SLCO2A1: variants seen among roughly 807,000 people sequenced by gnomAD.
The protein encoded by SLCO2A1 is matrin F/G 1.
A neutral mutation model predicts 71.7 loss-of-function variants in SLCO2A1; 60 were observed. That is an observed-to-expected ratio of 0.84 (90% CI 0.68 to 1.04). The LOEUF (loss-of-function observed/expected upper bound fraction) is 1.04. SLCO2A1 is among the 50% of genes least tolerant of loss of function. SLCO2A1 has a pLI of 0.00. For synonymous variants in SLCO2A1, 308 were observed against 326.7 expected (o/e 0.94, Z 0.62); for missense variants, 745 against 813.4 (o/e 0.92, Z 1.02).
At chr3:134,013,962 G>C (rs773671049) in intron 1 of SLCO2A1, among the ~76,000 whole-genome samples, 5 of 152,070 alleles carry the variant, frequency 3.3e-5, no homozygotes, top group South Asian at 4.2e-4. Flanking sequence ...AGGGCCTCTT[G>C]GTGGGGCAGT....
At chr3:133,952,685 CT>C (rs1287778392) in intron 5 of SLCO2A1, among the ~76,000 whole-genome samples, 1 of 152,224 alleles carries the variant, frequency 6.6e-6, no homozygotes, top group Non-Finnish European at 1.5e-5. Context: ...ATCCATACCA[CT>C]TGTTGAAGAA....
chr3:133,949,033 A>G (rs2108042530), intron 6 of SLCO2A1, 62 bp from the exon 7 acceptor site: 1 of 1,425,934 alleles, frequency 7.0e-7, no homozygotes, highest in South Asian at 1.2e-5. Context: ...CCCTTCCCTG[A>G]GCCCTTGAGT....
chr3:133,986,055 T>C (rs13069549), intron 1 of SLCO2A1, among the ~76,000 whole-genome samples: 33,681 of 152,242 alleles, frequency 0.22, 3,860 homozygotes, highest in Non-Finnish European at 0.26. Context: ...TTCTACTTTT[T>C]AATTTTGTGG....
chr3:133,959,392 A>G (rs1933976051), intron 3 of SLCO2A1, among the ~76,000 whole-genome samples: 1 of 141,334 alleles, frequency 7.1e-6, no homozygotes, highest in Admixed American at 6.8e-5. Context: ...CAGGATGGCT[A>G]TTACCAAAAA....
intron 3 of SLCO2A1, among the ~76,000 whole-genome samples, chr3:133,967,994 C>A (rs1368124603): frequency 5.4e-4 from 57 of 105,782 alleles, no homozygotes; most frequent in Non-Finnish European, 9.6e-4. Flanking sequence ...CCCCCCAACA[C>A]ATGCACACAC....
intron 3 of SLCO2A1, among the ~76,000 whole-genome samples, chr3:133,958,690 G>C (rs1282900881): frequency 1.3e-5 from 2 of 152,218 alleles, no homozygotes; most frequent in East Asian, 3.8e-4. Context: ...TAACTTCTCT[G>C]TGCCAACTTT....
chr3:133,965,354 G>A (rs368701380), intron 3 of SLCO2A1, among the ~76,000 whole-genome samples: 12 of 152,332 alleles, frequency 7.9e-5, no homozygotes, highest in African/African-American at 1.4e-4. Context: ...AAGCATGCCC[G>A]GCTCGGGTGC....
intron 3 of SLCO2A1, chr3:133,955,505 A>G: frequency 2.8e-6 from 1 of 361,228 alleles, no homozygotes; most frequent in South Asian, 3.8e-5. Context: ...ACTGGTGGGG[A>G]GCTGAGCACG....
chr3:133,973,628 C>T, intron 3 of SLCO2A1, 35 bp downstream of exon 3: 8 of 1,610,060 alleles, frequency 5.0e-6, no homozygotes, highest in Non-Finnish European at 6.8e-6. Context: ...TCACCCATTC[C>T]TTACCCCTTG....
At chr3:134,004,642 T>C (rs1484816602) in intron 1 of SLCO2A1, among the ~76,000 whole-genome samples, 1 of 152,160 alleles carries the variant, frequency 6.6e-6, no homozygotes, top group East Asian at 1.9e-4. Context: ...CCACAAGGAT[T>C]CTTAAAATAA....
At chr3:133,959,565 C>G (rs563665768) in intron 3 of SLCO2A1, among the ~76,000 whole-genome samples, 1 of 152,248 alleles carries the variant, frequency 6.6e-6, no homozygotes, top group South Asian at 2.1e-4. Flanking sequence ...CGGCGCGCAC[C>G]TGTAATCCCA....
At chr3:133,949,948 C>G (rs760505218) in intron 6 of SLCO2A1, among the ~76,000 whole-genome samples, 1 of 152,172 alleles carries the variant, frequency 6.6e-6, no homozygotes, top group East Asian at 1.9e-4. Flanking sequence ...CCACCTCAGC[C>G]TCCCAAGTAG....
rs906192597 is a variant in SLCO2A1, at chr3:133,933,895, C to T, written c.*818G>A. 2 of 152,238 alleles carry T rather than the reference C, an allele frequency of 1.3e-5. No individual in the cohort carries two copies. Among genetic ancestry groups the T allele is most frequent in the East Asian group, 3.9e-4 (2 of 5,192 alleles). The allele number at this position is 152,238 out of a possible 1,614,324, so 9.4% of individuals were successfully genotyped here. A position where few individuals can be genotyped will look rare whatever the true frequency, so the allele number is the denominator to read the frequency against. ...GGGGTGGGAGGTTGGGCATCAGGACCTTTTCATAGGCCTTCCTTGGGTCTT... is the reference window on the plus strand; with the variant it reads ...GGGGTGGGAGGTTGGGCATCAGGACTTTTTCATAGGCCTTCCTTGGGTCTT... On this transcript the variant is annotated 3_prime_UTR_variant, in exon 14 of 14. Coordinates refer to ENST00000310926, the MANE Select transcript of SLCO2A1 (RefSeq NM_005630.3).
intron 1 of SLCO2A1, among the ~76,000 whole-genome samples, chr3:133,981,889 C>T (rs549127784): frequency 1.4e-5 from 2 of 147,866 alleles, no homozygotes; most frequent in Admixed American, 6.9e-5. Flanking sequence ...GCAGGAGAAT[C>T]GCTTGAACCT....
intron 10 of SLCO2A1, among the ~76,000 whole-genome samples, chr3:133,943,172 C>T (rs1408335962): frequency 6.6e-6 from 1 of 152,212 alleles, no homozygotes; most frequent in Non-Finnish European, 1.5e-5. Context: ...GAGGCATAAA[C>T]AGTAGGAGGG....
chr3:133,992,397 T>G (rs1327337919), intron 1 of SLCO2A1, among the ~76,000 whole-genome samples: 1 of 152,124 alleles, frequency 6.6e-6, no homozygotes, highest in Non-Finnish European at 1.5e-5. Context: ...AATTCTTAGC[T>G]CCTAATAACA....
chr3:133,993,547 A>C (rs2108065788), intron 1 of SLCO2A1, among the ~76,000 whole-genome samples: 1 of 152,356 alleles, frequency 6.6e-6, no homozygotes, highest in African/African-American at 2.4e-5. Context: ...GGTCAGCTGG[A>C]AGCCTGGTTT....
intron 4 of SLCO2A1, among the ~76,000 whole-genome samples, chr3:133,953,974 C>G (rs1191046491): frequency 2.6e-5 from 4 of 152,086 alleles, no homozygotes; most frequent in Non-Finnish European, 5.9e-5. Context: ...CAGCCAACTT[C>G]CAAAGAGACC....
At chr3:133,962,379 C>T (rs900663687) in intron 3 of SLCO2A1, among the ~76,000 whole-genome samples, 1 of 151,910 alleles carries the variant, frequency 6.6e-6, no homozygotes, top group Non-Finnish European at 1.5e-5. Flanking sequence ...TGCGCTCAGC[C>T]AAGTCTTCTA....
Sources: allele counts gnomAD v4.1 joint callset (sites outside exome capture counted in the v4.1 genomes callset), GRCh38; gene constraint gnomAD v4.1.1; transcripts MANE v1.5; gene names NCBI Gene and HGNC (gene_info 2026-07-23, HGNC 2026-07-21).